The following FAM216B variants were observed in gnomAD, a reference collection of about 807,000 sequenced individuals.
FAM216B encodes family with sequence similarity 216 member B, also known as protein FAM216B.
A neutral mutation model predicts 12.9 loss-of-function variants in FAM216B; 11 were observed. The observed-to-expected ratio is 0.86, with a 90% CI of 0.54 to 1.42. The LOEUF (loss-of-function observed/expected upper bound fraction) is 1.42. Ranked by LOEUF, FAM216B falls within the 40% of genes most tolerant of loss-of-function variation. The pLI is 0.00. For missense variants in FAM216B, 167 were observed against 162.9 expected (o/e 1.02, Z -0.14); for synonymous variants, 52 against 57.2 (o/e 0.91, Z 0.41).
intron 1 of FAM216B, among the ~76,000 whole-genome samples, chr13:42,782,017 T>C (rs919986104): frequency 6.6e-6 from 1 of 152,174 alleles, no homozygotes; most frequent in Non-Finnish European, 1.5e-5. Context: ...CAGGAGTATA[T>C]CTTGGTTGGT....
chr13:42,784,521 A>C (rs1873992255), intron 2 of FAM216B, among the ~76,000 whole-genome samples: 2 of 151,794 alleles, frequency 1.3e-5, no homozygotes, highest in African/African-American at 4.8e-5. Flanking sequence ...ATACGCTGTA[A>C]AAATTTCAGT....
rs75935279 is a variant in FAM216B, at chr13:42,782,633, C to T, written c.-15+969C>T. Among the ~76,000 whole-genome samples, 254 of 152,260 alleles carry T rather than the reference C, an allele frequency of 1.7e-3. 8 individuals are homozygous for T. In the East Asian group the frequency reaches 0.044, roughly 27 times the overall value. ...CAGAGGGGAAAATACTCTGGGTTTG[C>T]ACTTTGTGATTTGGCAACCTATTCC... On this transcript the variant is annotated intron_variant, in intron 1 of 3. Transcript: ENST00000313851.
Position 42,788,524 on chromosome 13 carries a change from AGTTTT to A in FAM216B, c.221-61_221-57del, listed in dbSNP as rs568667275. 4,688 of 1,309,508 alleles carry A rather than the reference AGTTTT, an allele frequency of 3.6e-3. 14 individuals carry two copies. Among genetic ancestry groups the A allele is most frequent in the Non-Finnish European group, 4.6e-3 (4,322 of 947,860 alleles). 81.1% of individuals were successfully genotyped at this position (1,309,508 alleles called of 1,614,324 possible). ...TTTGTACACATAAGTAAATATTTGC[AGTTTT>A]GTTTTCTTATTTGCCTTGTAAAATT... On this transcript the variant is annotated intron_variant, in intron 3 of 3. Transcript: ENST00000313851.
intron 2 of FAM216B, among the ~76,000 whole-genome samples, chr13:42,786,409 A>G (rs1874087961): frequency 6.6e-6 from 1 of 152,236 alleles, no homozygotes; most frequent in Non-Finnish European, 1.5e-5. Context: ...CTACCAGTCC[A>G]GAGGCCTGGC....
At chr13:42,788,346 T>C (rs920159296) in intron 3 of FAM216B, among the ~76,000 whole-genome samples, 1 of 152,190 alleles carries the variant, frequency 6.6e-6, no homozygotes, top group East Asian at 1.9e-4. Flanking sequence ...GAAGATATCA[T>C]GGCTCAAGTC....
At chr13:42,783,951 A>AT in intron 1 of FAM216B, 103 bp from the exon 2 acceptor site, 1 of 659,354 alleles carries the variant, frequency 1.5e-6, no homozygotes, top group Non-Finnish European at 2.6e-6. Context: ...AACAAATTAC[A>AT]TTTTTAAAAA....
chr13:42,783,985 A>T, intron 1 of FAM216B, 69 bp from the exon 2 acceptor site: 1 of 889,002 alleles, frequency 1.1e-6, no homozygotes, highest in Non-Finnish European at 1.8e-6. Flanking sequence ...TTACTTATTT[A>T]CTTAAGTACA....
intron 2 of FAM216B, among the ~76,000 whole-genome samples, chr13:42,785,625 T>C (rs1352559325): frequency 6.6e-6 from 1 of 152,242 alleles, no homozygotes; most frequent in Non-Finnish European, 1.5e-5. Context: ...TTGAGCACCG[T>C]ATATAATGAA....
chr13:42,786,312 C>G (rs535710390), intron 2 of FAM216B, among the ~76,000 whole-genome samples: 1 of 150,830 alleles, frequency 6.6e-6, no homozygotes, highest in South Asian at 2.1e-4. Context: ...TTCATGGCAC[C>G]TTTTTACTAA....
At chr13:42,782,628 G>A (rs1407401014) in intron 1 of FAM216B, among the ~76,000 whole-genome samples, 1 of 152,148 alleles carries the variant, frequency 6.6e-6, no homozygotes, top group Non-Finnish European at 1.5e-5. Flanking sequence ...AATACTCTGG[G>A]TTTGCACTTT....
rs1398378702 is a variant in FAM216B, at chr13:42,791,316, A to G, written c.*2526A>G. ...AAACTAATTCAGGGAATATCCTGCT[A>G]TATAGTTGGCTCTCAGTACATATGG... On this transcript the variant is annotated 3_prime_UTR_variant, in exon 4 of 4. Transcript: ENST00000313851. 1 of 152,180 alleles carries G rather than the reference A, an allele frequency of 6.6e-6. No individual in the cohort carries two copies. Among genetic ancestry groups the G allele is most frequent in the Non-Finnish European group, 1.5e-5 (1 of 68,032 alleles). 9.4% of individuals were successfully genotyped at this position (152,180 alleles called of 1,614,324 possible).
At position 42,789,873 on chromosome 13, in the gene FAM216B, A is replaced by G. The variant is rs753688634; in HGVS notation, c.*1083A>G. On this transcript the variant is annotated 3_prime_UTR_variant, in exon 4 of 4. Coordinates refer to ENST00000313851, the MANE Select transcript of FAM216B (RefSeq NM_001318932.2). ...CATTATTATCAGAAAAAAAATCATT[A>G]TCTTCTCTTTGCAATCATGAACATA... The G allele has an allele frequency of 8.5e-5, 13 of 152,192 alleles. No homozygotes were observed. The highest frequency in any genetic ancestry group is 1.6e-4 in the Non-Finnish European group (11 of 68,022). The allele number at this position is 152,192 out of a possible 1,614,324, so 9.4% of individuals were successfully genotyped here.
chr13:42,783,514 C>T (rs59702777), intron 1 of FAM216B, among the ~76,000 whole-genome samples: 7,203 of 151,886 alleles, frequency 0.047, 550 homozygotes, highest in African/African-American at 0.16. Flanking sequence ...ATCCAAAATC[C>T]AATATGCTCC....
At chr13:42,786,217 T>C (rs989406063) in intron 2 of FAM216B, among the ~76,000 whole-genome samples, 4 of 152,322 alleles carry the variant, frequency 2.6e-5, no homozygotes, top group Admixed American at 6.5e-5. Flanking sequence ...TCTAGTCCCT[T>C]AAGGAAACTC....
At chr13:42,782,220 C>T (rs1051024131) in intron 1 of FAM216B, among the ~76,000 whole-genome samples, 1 of 152,168 alleles carries the variant, frequency 6.6e-6, no homozygotes, top group Non-Finnish European at 1.5e-5. Flanking sequence ...TACAATACTC[C>T]TTAAGCATGT....
In FAM216B at chr13:42,788,691, G is replaced by A; in HGVS notation, c.321G>A (p.Arg107=). Residue 107 remains arginine (R), a synonymous_variant, in exon 4 of 4, where the codon CGG becomes CGA. Transcript: ENST00000313851. ...AKVAPQRTIP[R]KTSAMTRRCP... ...TAGCTCCTCAAAGAACCATTCCCCGGAAAACTTCAGCCATGACAAGAAGAT... is the reference window on the plus strand; with the variant it reads ...TAGCTCCTCAAAGAACCATTCCCCGAAAAACTTCAGCCATGACAAGAAGAT... 1 of 1,613,886 alleles carries A rather than the reference G, an allele frequency of 6.2e-7. No homozygotes were observed. Among genetic ancestry groups the A allele is most frequent in the South Asian group, 1.1e-5 (1 of 91,056 alleles).
Position 42,788,728 on chromosome 13 carries a change from C to T in FAM216B, c.358C>T (p.Leu120=). ...CATGACAAGAAGATGTCCATCAGTA[C>T]TACCTGTATCTGTGGTTCTACCTAG... The part of the protein sequence containing the change: ...SAMTRRCPSV[L]PVSVVLPRAQ... The change falls in exon 4 of 4, where the codon CTA becomes TTA. Residue 120 remains leucine (L), a synonymous_variant. Transcript: ENST00000313851. The T allele has an allele frequency of 6.2e-7, 1 of 1,613,896 alleles. No individual in the cohort carries two copies. The highest frequency in any genetic ancestry group is 1.3e-5 in the African/African-American group (1 of 75,030).
intron 1 of FAM216B, among the ~76,000 whole-genome samples, chr13:42,783,184 T>G (rs1240909238): frequency 6.6e-6 from 1 of 151,922 alleles, no homozygotes; most frequent in Non-Finnish European, 1.5e-5. Flanking sequence ...GGTGTGTACC[T>G]GTAGTCCCAG....
intron 1 of FAM216B, among the ~76,000 whole-genome samples, chr13:42,782,451 C>T (rs987073163): frequency 1.3e-5 from 2 of 152,166 alleles, no homozygotes; most frequent in African/African-American, 4.8e-5. Context: ...GTTCTAAAGG[C>T]CATACAGCCT....
Sources: gnomAD v4.1 joint callset for allele counts (sites outside exome capture counted in the v4.1 genomes callset) on GRCh38, gnomAD v4.1.1 for gene constraint, MANE v1.5 for transcripts, NCBI Gene and HGNC (gene_info 2026-07-23, HGNC 2026-07-21) for gene names.